Variants in ANKRD12 observed in about 807,000 individuals in gnomAD.
The protein encoded by ANKRD12 is ankyrin repeat domain 12.
ANKRD12 carries 85 observed loss-of-function variants against 183.4 expected under a neutral mutation model. The ratio of observed to expected loss-of-function variants is 0.46; its 90% CI spans 0.39 to 0.56. The LOEUF is 0.56. Among genes scored for constraint, ANKRD12 ranks in the 20% least tolerant of loss-of-function variants. ANKRD12 has a pLI of 0.00. For synonymous variants in ANKRD12, 914 were observed against 800.2 expected (o/e 1.14, Z -2.40); for missense variants, 2,405 against 2,357.1 (o/e 1.02, Z -0.42).
chr18:9,242,463 C>CAAA (rs5823047), intron 8 of ANKRD12, among the ~76,000 whole-genome samples: 5 of 150,598 alleles, frequency 3.3e-5, no homozygotes, highest in Non-Finnish European at 5.9e-5. Flanking sequence ...TATATGCATA[C>CAAA]AAAAAAAAAT....
intron 1 of ANKRD12, among the ~76,000 whole-genome samples, chr18:9,146,241 G>A (rs1281716116): frequency 6.6e-6 from 1 of 152,146 alleles, no homozygotes; most frequent in Non-Finnish European, 1.5e-5. Context: ...CATTTGTGTG[G>A]TTATATGTCA....
chr18:9,172,853 T>C lies in ANKRD12; in HGVS notation c.-51-9529T>C, dbSNP rs142143403. On this transcript the variant is annotated intron_variant, in intron 1 of 12. Coordinates refer to ENST00000262126, the MANE Select transcript of ANKRD12 (RefSeq NM_015208.5). ...ATTATTTCTCATCTTTGTGGGCTTA[T>C]CTACCTTTGATTTTTGAGGTTGCTG... 2.5e-3 allele frequency among the ~76,000 whole-genome samples: 375 copies of C among 152,276 alleles called. 8 individuals are homozygous for C. Among genetic ancestry groups the C allele is most frequent in the African/African-American group, 8.5e-3 (353 of 41,556 alleles).
chr18:9,215,805 T>C (rs1318806880), intron 6 of ANKRD12, among the ~76,000 whole-genome samples: 1 of 152,084 alleles, frequency 6.6e-6, no homozygotes, highest in African/African-American at 2.4e-5. Context: ...ATTGTGGATA[T>C]GTCAAAAAAG....
Position 9,196,090 on chromosome 18 carries a change from A to G in ANKRD12, c.235+392A>G, listed in dbSNP as rs554893342. Among the ~76,000 whole-genome samples, 13 of 141,284 alleles carry G rather than the reference A, an allele frequency of 9.2e-5. No individual in the cohort carries two copies. In the South Asian group the frequency reaches 2.3e-3, roughly 24 times the overall value. 92.7% of individuals were successfully genotyped at this position (141,284 alleles called of 152,430 possible). A position where few individuals can be genotyped will look rare whatever the true frequency, so the allele number is the denominator to read the frequency against. ...AAGTTTAGGCACTTTAGATTCAGAA[A>G]TAAATTAGAAACATGCAAACACACA... is the stretch of plus-strand genomic sequence containing the variant. On this transcript the variant is annotated intron_variant, in intron 3 of 12. Transcript: ENST00000262126.
At chr18:9,217,729 A>C (rs994925843) in intron 7 of ANKRD12, among the ~76,000 whole-genome samples, 1 of 152,158 alleles carries the variant, frequency 6.6e-6, no homozygotes, top group Non-Finnish European at 1.5e-5. Context: ...ATAGCATTTT[A>C]CTACCTTATT....
intron 11 of ANKRD12, among the ~76,000 whole-genome samples, chr18:9,276,149 A>C (rs1366142281): frequency 6.6e-6 from 1 of 152,232 alleles, no homozygotes; most frequent in South Asian, 2.1e-4. Flanking sequence ...CCACATATAA[A>C]TTACATGAAC....
Position 9,254,362 on chromosome 18 carries a change from T to A in ANKRD12, c.1095T>A (p.Asp365Glu), listed in dbSNP as rs754383211. Residue 365 changes from aspartate (D) to glutamate (E), a missense_variant, in exon 9 of 13, where the codon GAT (aspartate) becomes GAA (glutamate). Around this residue, in one of 7 missense-constraint regions of ANKRD12, gnomAD observed 1,983 missense variants for 1,725.9 expected, o/e 1.15. Transcript: ENST00000262126. ...CCCTTGATGAGTATGAGTTCAAAGA[T>A]GATGATGATGAAGAAATTAATAAGA... ...PSALDEYEFK[D>E]DDDEEINKMI... is the part of the protein sequence containing the mutation. The A allele has an allele frequency of 6.2e-7, 1 of 1,608,884 alleles. No homozygotes were observed.
intron 1 of ANKRD12, among the ~76,000 whole-genome samples, chr18:9,171,759 G>A (rs1037046503): frequency 2.0e-5 from 3 of 152,064 alleles, no homozygotes; most frequent in Admixed American, 6.6e-5. Context: ...GGTGGCTCAC[G>A]TCTGTAATCC....
At chr18:9,167,189 T>TGGCAA (rs1210769420) in intron 1 of ANKRD12, among the ~76,000 whole-genome samples, 7 of 152,228 alleles carry the variant, frequency 4.6e-5, no homozygotes, top group African/African-American at 1.7e-4. Flanking sequence ...AGGATTGACT[T>TGGCAA]GGCAATGCGG....
intron 1 of ANKRD12, among the ~76,000 whole-genome samples, chr18:9,154,658 G>T (rs961556220): frequency 6.6e-6 from 1 of 152,178 alleles, no homozygotes; most frequent in Non-Finnish European, 1.5e-5. Context: ...AGATATTTGG[G>T]AAGTGTTTGC....
At chr18:9,277,068 T>G (rs1299046525) in intron 11 of ANKRD12, among the ~76,000 whole-genome samples, 1 of 152,162 alleles carries the variant, frequency 6.6e-6, no homozygotes, top group Non-Finnish European at 1.5e-5. Context: ...CAATGAAAAG[T>G]CTCTTGATTT....
chr18:9,270,213 T>C lies in ANKRD12; in HGVS notation c.5764-5311T>C, dbSNP rs552822844. On this transcript the variant is annotated intron_variant, in intron 10 of 12. Coordinates refer to ENST00000262126, the MANE Select transcript of ANKRD12 (RefSeq NM_015208.5). Reference sequence around the variant, plus strand: ...TGTGGAAGTCAGTGTGGCGATTCCTTAGGGATCTAGAACTAGAAATACCAT... The same window carrying C: ...TGTGGAAGTCAGTGTGGCGATTCCTCAGGGATCTAGAACTAGAAATACCAT... 3.5e-4 allele frequency among the ~76,000 whole-genome samples: 54 copies of C among 152,254 alleles called. No individual in the cohort carries two copies. The East Asian group carries it at 8.5e-3, about 24-fold the overall frequency.
intron 1 of ANKRD12, among the ~76,000 whole-genome samples, chr18:9,165,351 TATAC>T (rs1191135529): frequency 1.3e-5 from 2 of 152,178 alleles, no homozygotes; most frequent in East Asian, 3.8e-4. Context: ...TGTGGTAAAA[TATAC>T]ATAACATAGA....
chr18:9,245,721 A>G (rs775215987), intron 8 of ANKRD12, among the ~76,000 whole-genome samples: 18 of 152,334 alleles, frequency 1.2e-4, no homozygotes, highest in Non-Finnish European at 2.2e-4. Context: ...AATCAATACT[A>G]GTAAATCTCA....
chr18:9,189,982 C>G (rs2034350664), intron 2 of ANKRD12, among the ~76,000 whole-genome samples: 1 of 152,162 alleles, frequency 6.6e-6, no homozygotes, highest in Non-Finnish European at 1.5e-5. Flanking sequence ...AAGGCTGTAG[C>G]TGCCATAGAG....
rs910450616 is a variant in ANKRD12 at position 9,262,611 on chromosome 18, C to G, written c.5665-1179C>G. Reference sequence around the variant, plus strand: ...AGTTGCTGAGGCTACAGGCAGACACCACCACATCCAGCTAATTTTTAAATT... The same window carrying G: ...AGTTGCTGAGGCTACAGGCAGACACGACCACATCCAGCTAATTTTTAAATT... On this transcript the variant is annotated intron_variant, in intron 9 of 12. Coordinates refer to ENST00000262126, the MANE Select transcript of ANKRD12 (RefSeq NM_015208.5). 4.0e-5 allele frequency among the ~76,000 whole-genome samples: 6 copies of G among 151,814 alleles called. No individual in the cohort carries two copies. The East Asian group carries it at 1.2e-3, about 30-fold the overall frequency.
In ANKRD12 at chr18:9,257,068, T is replaced by G. The variant is rs2038676848; in HGVS notation, c.3801T>G (p.Ala1267=). ...ATGAAAGGGAATTGGACAGCCTGGC[T>G]GACTTGCCGGAGCGGATTAAACCAC... ...ALHERELDSL[A]DLPERIKPPY... is the part of the protein sequence containing the mutation. Residue 1267 remains alanine, a synonymous_variant, in exon 9 of 13, where the codon GCT becomes GCG. Transcript: ENST00000262126. 2.5e-6 allele frequency: 4 copies of G among 1,614,046 alleles called. No homozygotes were observed. Among genetic ancestry groups the G allele is most frequent in the Non-Finnish European group, 3.4e-6 (4 of 1,180,020 alleles).
Position 9,256,036 on chromosome 18 carries a change from A to G in ANKRD12, c.2769A>G (p.Ala923=), listed in dbSNP as rs984982792. The G allele has an allele frequency of 1.9e-6, 3 of 1,561,916 alleles. No homozygotes were observed. The highest frequency in any genetic ancestry group is 1.4e-5 in the African/African-American group (1 of 72,008). Residue 923 remains alanine (A), a synonymous_variant, in exon 9 of 13, where the codon GCA becomes GCG. Coordinates refer to ENST00000262126, the MANE Select transcript of ANKRD12 (RefSeq NM_015208.5). ...AGCCTGAAAAAGAGAGGCATCTAGCAGAAAGCAAAGAAAAGCACTTGATGG... is the reference window on the plus strand; with the variant it reads ...AGCCTGAAAAAGAGAGGCATCTAGCGGAAAGCAAAGAAAAGCACTTGATGG... ...KEKPEKERHL[A]ESKEKHLMEK...
chr18:9,162,756 G>GAT (rs573315595), intron 1 of ANKRD12, among the ~76,000 whole-genome samples: 87 of 152,282 alleles, frequency 5.7e-4, no homozygotes, highest in African/African-American at 1.9e-3. Flanking sequence ...ACTGGCATGA[G>GAT]ATGGTATCTC....
Sources: allele counts gnomAD v4.1 joint callset (sites outside exome capture counted in the v4.1 genomes callset), GRCh38; gene constraint gnomAD v4.1.1; regional missense constraint gnomAD v4.1.1; transcripts MANE v1.5; gene names NCBI Gene and HGNC (gene_info 2026-07-23, HGNC 2026-07-21).